Variants in NSD3 observed in about 807,000 individuals in gnomAD.
The protein encoded by NSD3 is histone-lysine N-methyltransferase NSD3.
A neutral mutation model predicts 160.8 loss-of-function variants in NSD3; 24 were observed. The ratio of observed to expected loss-of-function variants is 0.15; its 90% CI spans 0.11 to 0.21. The LOEUF is 0.21. Among genes scored for constraint, NSD3 ranks in the 10% least tolerant of loss-of-function variants. The pLI is 1.00. For missense variants in NSD3, 1,157 were observed against 1,735.9 expected (o/e 0.67, Z 5.93); for synonymous variants, 520 against 600.0 (o/e 0.87, Z 1.95).
At chr8:38,326,944 T>C (rs1465910156) in intron 6 of NSD3, 88 bp from the exon 7 acceptor site, 8 of 1,429,848 alleles carry the variant, frequency 5.6e-6, no homozygotes, top group Non-Finnish European at 7.5e-6. Context: ...CTTAAAATGA[T>C]CATAATTTGC....
At chr8:38,356,876 T>C (rs1810836710) in intron 1 of NSD3, among the ~76,000 whole-genome samples, 1 of 151,954 alleles carries the variant, frequency 6.6e-6, no homozygotes, top group Non-Finnish European at 1.5e-5. Context: ...CCCAGCACTT[T>C]GGGAGGGTGA....
chr8:38,290,761 G>C (rs540484261), intron 16 of NSD3, 84 bp from the exon 17 acceptor site: 1 of 1,441,988 alleles, frequency 6.9e-7, no homozygotes, highest in South Asian at 1.3e-5. Flanking sequence ...AGGGAAAAAA[G>C]TTTTTGTATT....
At position 38,275,238 on chromosome 8, in the gene NSD3, A is replaced by C; in HGVS notation, c.*403T>G. 1 of 259,968 alleles carries C rather than the reference A, an allele frequency of 3.8e-6. No individual in the cohort carries two copies. Among genetic ancestry groups the C allele is most frequent in the East Asian group, 5.7e-5 (1 of 17,642 alleles). 16.1% of individuals were successfully genotyped at this position (259,968 alleles called of 1,614,324 possible). ...GAACTACACTTCTTGAAATTCCTAA[A>C]AATGAAAATAAATAAAGGAATGATG... On this transcript the variant is annotated 3_prime_UTR_variant, in exon 24 of 24. Coordinates refer to ENST00000317025, the MANE Select transcript of NSD3 (RefSeq NM_023034.2).
intron 22 of NSD3, among the ~76,000 whole-genome samples, chr8:38,277,462 G>C (rs2978070): frequency 1.3e-5 from 2 of 151,600 alleles, no homozygotes; most frequent in Non-Finnish European, 2.9e-5. Flanking sequence ...ATTTTTAGTA[G>C]AGATGGGGTT....
At position 38,314,837 on chromosome 8, in the gene NSD3, T is replaced by C. The variant is rs1809618448; in HGVS notation, c.2116-64A>G. On this transcript the variant is annotated intron_variant, in intron 11 of 23. Transcript: ENST00000317025. ...CAAACATCAAGACCACATGGGCGGCTTGTTAAACACAAATTACCGGGTCCC... is the reference window on the plus strand; with the variant it reads ...CAAACATCAAGACCACATGGGCGGCCTGTTAAACACAAATTACCGGGTCCC... 3.2e-6 allele frequency: 5 copies of C among 1,547,212 alleles called. No individual in the cohort carries two copies. The African/African-American group carries it at 5.4e-5, about 17-fold the overall frequency.
intron 12 of NSD3, among the ~76,000 whole-genome samples, chr8:38,307,563 G>A (rs1042169348): frequency 2.6e-5 from 4 of 152,252 alleles, no homozygotes; most frequent in African/African-American, 9.6e-5. Context: ...AATGTCCTTC[G>A]ATAGGGGAAG....
intron 12 of NSD3, among the ~76,000 whole-genome samples, chr8:38,306,347 A>G (rs1289998153): frequency 6.6e-6 from 1 of 152,146 alleles, no homozygotes; most frequent in Non-Finnish European, 1.5e-5. Context: ...AATGGCACAA[A>G]AATAAACAGG....
intron 12 of NSD3, among the ~76,000 whole-genome samples, chr8:38,306,775 A>T (rs1341813224): frequency 6.6e-6 from 1 of 152,180 alleles, no homozygotes; most frequent in Non-Finnish European, 1.5e-5. Flanking sequence ...AAATGTGTTC[A>T]TCTTCACTAG....
chr8:38,319,206 G>C lies in NSD3; in HGVS notation c.1810-266C>G. ...TTTTCCCACCATTCCCTTGGTATAT[G>C]AAGAGAACAAGAATACTTTCCTCAG... On this transcript the variant is annotated intron_variant, in intron 8 of 23. Transcript: ENST00000317025. The surrounding 1 kb of genome is among the most constrained non-coding windows in gnomAD (Gnocchi z 4.1). 2.7e-6 allele frequency: 1 copy of C among 370,630 alleles called. No homozygotes were observed. Among genetic ancestry groups the C allele is most frequent in the Non-Finnish European group, 4.8e-6 (1 of 207,164 alleles). 23.0% of individuals were successfully genotyped at this position (370,630 alleles called of 1,614,324 possible). A position where few individuals can be genotyped will look rare whatever the true frequency, so the allele number is the denominator to read the frequency against.
At chr8:38,370,378 G>T (rs113254605) in intron 1 of NSD3, among the ~76,000 whole-genome samples, 2,365 of 147,428 alleles carry the variant, frequency 0.016, 67 homozygotes, top group African/African-American at 0.055. Flanking sequence ...CTGTCCAGGA[G>T]AATTTTTTTT....
intron 19 of NSD3, among the ~76,000 whole-genome samples, chr8:38,287,568 T>C (rs1808893178): frequency 6.6e-6 from 1 of 152,222 alleles, no homozygotes; most frequent in African/African-American, 2.4e-5. Flanking sequence ...AATTTCACTC[T>C]GCTATCTTTT....
chr8:38,358,046 C>A (rs1810866800), intron 1 of NSD3, among the ~76,000 whole-genome samples: 2 of 151,828 alleles, frequency 1.3e-5, no homozygotes, highest in Admixed American at 1.3e-4. Flanking sequence ...GTTAACCCAA[C>A]CAAAGACCAA....
chr8:38,297,071 T>C (rs1252896211), intron 15 of NSD3, among the ~76,000 whole-genome samples: 1 of 152,242 alleles, frequency 6.6e-6, no homozygotes, highest in Non-Finnish European at 1.5e-5. Context: ...TTCTGAAATA[T>C]TAAACATAGT....
chr8:38,379,380 G>T (rs1811483062), intron 1 of NSD3, among the ~76,000 whole-genome samples: 5 of 150,870 alleles, frequency 3.3e-5, no homozygotes, highest in Admixed American at 3.3e-4. Context: ...TTGCAGCACT[G>T]ATAGCTCATG....
At chr8:38,362,044 A>G (rs1404328637) in intron 1 of NSD3, among the ~76,000 whole-genome samples, 1 of 152,048 alleles carries the variant, frequency 6.6e-6, no homozygotes, top group Non-Finnish European at 1.5e-5. Context: ...GCTTTTCTTC[A>G]TATGTTGCAA....
In NSD3 at chr8:38,329,317, G is replaced by A. The variant is rs1336017855; in HGVS notation, c.1581+61C>T. ...TTATGCCAAGGTCATTGTTTTAAAT[G>A]CCAAGGTTGACCACTTTTAAAATAC... On this transcript the variant is annotated intron_variant, in intron 6 of 23. Transcript: ENST00000317025. This position sits in a 1 kb window ranked among gnomAD's most constrained non-coding sequence, Gnocchi z 4.8. 2 of 1,542,032 alleles carry A rather than the reference G, an allele frequency of 1.3e-6. No individual in the cohort carries two copies. The highest frequency in any genetic ancestry group is 2.3e-5 in the East Asian group (1 of 44,184).
intron 3 of NSD3, 73 bp downstream of exon 3, chr8:38,338,463 G>T: frequency 8.2e-7 from 1 of 1,219,406 alleles, no homozygotes; most frequent in Non-Finnish European, 1.2e-6. Flanking sequence ...ATACAATTGT[G>T]TTGCAATTCA....
At chr8:38,337,166 AT>A in intron 4 of NSD3, 138 bp downstream of exon 4, 2 of 878,486 alleles carry the variant, frequency 2.3e-6, no homozygotes, top group Non-Finnish European at 1.5e-6. Flanking sequence ...AAAAAAAAAA[AT>A]CCACAAAACT....
chr8:38,371,450 T>A (rs1480819797), intron 1 of NSD3, among the ~76,000 whole-genome samples: 1 of 152,200 alleles, frequency 6.6e-6, no homozygotes, highest in Non-Finnish European at 1.5e-5. Flanking sequence ...TTACCTAATT[T>A]ATCTTTCTAA....
Sources: gnomAD v4.1 joint callset for allele counts (sites outside exome capture counted in the v4.1 genomes callset) on GRCh38, gnomAD v4.1.1 for gene constraint, Gnocchi (gnomAD v3.1) non-coding constraint, MANE v1.5 for transcripts, NCBI Gene and HGNC (gene_info 2026-07-23, HGNC 2026-07-21) for gene names.